The following MAPK7 variants were observed in gnomAD, a reference collection of about 807,000 sequenced individuals.
MAPK7 encodes mitogen-activated protein kinase 7.
A neutral mutation model predicts 56.9 loss-of-function variants in MAPK7; 30 were observed. That is an observed-to-expected ratio of 0.53 (90% CI 0.39 to 0.72). The LOEUF (loss-of-function observed/expected upper bound fraction) is 0.72. MAPK7 is among the 30% of genes least tolerant of loss of function. MAPK7 has a pLI of 0.00. For synonymous variants in MAPK7, 516 were observed against 449.3 expected (o/e 1.15, Z -1.88); for missense variants, 952 against 1,110.8 (o/e 0.86, Z 2.03).
chr17:19,379,725 C>T (rs1428690982), intron 2 of MAPK7, 57 bp from the exon 3 acceptor site: 10 of 1,547,646 alleles, frequency 6.5e-6, no homozygotes, highest in East Asian at 2.2e-5. Flanking sequence ...GGGGCTGAGT[C>T]GACTCTGCAG....
chr17:19,378,254 G>C, upstream of MAPK7: 1 of 985,906 alleles, frequency 1.0e-6, no homozygotes, highest in Non-Finnish European at 1.2e-6. This position sits in a 1 kb window ranked among gnomAD's most constrained non-coding sequence, Gnocchi z 5.4. Context: ...CCGACTGCCA[G>C]TGCGCATGCG....
In MAPK7 at chr17:19,383,165, G is replaced by A. The variant is rs773322111; in HGVS notation, c.2385G>A (p.Leu795=). 5 of 1,614,126 alleles carry A rather than the reference G, an allele frequency of 3.1e-6. No homozygotes were observed. Among genetic ancestry groups the A allele is most frequent in the Middle Eastern group, 1.6e-4 (1 of 6,062 alleles). Residue 795 remains leucine, a synonymous_variant, in exon 7 of 7, where the codon CTG becomes CTA. Transcript: ENST00000395604. ...HGMNPADIES[L]QREIQMDSPM... Reference sequence around the variant, plus strand: ...TGAACCCTGCCGATATTGAGTCCCTGCAGCGTGAGATCCAGATGGACTCCC... The same window carrying A: ...TGAACCCTGCCGATATTGAGTCCCTACAGCGTGAGATCCAGATGGACTCCC...
upstream of MAPK7, chr17:19,377,939 G>C (rs544372270): frequency 2.0e-6 from 2 of 985,282 alleles, no homozygotes; most frequent in Non-Finnish European, 1.2e-6. Context: ...GTCAGTGGAG[G>C]GTTCGGCCGG....
chr17:19,380,250 C>A (rs1912537436), intron 3 of MAPK7: 2 of 503,390 alleles, frequency 4.0e-6, no homozygotes, highest in Non-Finnish European at 6.9e-6. Flanking sequence ...AGAACACTTT[C>A]CTACAGACAG....
chr17:19,382,448 G>A lies in MAPK7; in HGVS notation c.2145G>A (p.Gln715=), dbSNP rs2152294250. ...SESPDVNLVT[Q]QLSKSQVEDP... ...CACCTGATGTCAACCTTGTGACCCA[G>A]CAGCTATCTAAGTCACAGGTGAGAG... The change falls in exon 5 of 7, where the codon CAG becomes CAA. Residue 715 remains glutamine (Q), a synonymous_variant. Transcript: ENST00000395604. The A allele has an allele frequency of 1.9e-6, 3 of 1,600,086 alleles. No individual in the cohort carries two copies. Among genetic ancestry groups the A allele is most frequent in the Non-Finnish European group, 2.6e-6 (3 of 1,172,332 alleles).
chr17:19,380,733 C>T lies in MAPK7; in HGVS notation c.524C>T (p.Ser175Leu), dbSNP rs774334323. 2 of 1,614,152 alleles carry T rather than the reference C, an allele frequency of 1.2e-6. No individual in the cohort carries two copies. The highest frequency in any genetic ancestry group is 1.7e-6 in the Non-Finnish European group (2 of 1,180,036). Residue 175 changes from serine to leucine, a missense_variant, in exon 4 of 7, where the codon TCG becomes TTG. Ser to Leu is a moderately radical substitution (Grantham distance 145). Coordinates refer to ENST00000395604, the MANE Select transcript of MAPK7 (RefSeq NM_002749.4). ...CTGCGGGGCCTGAAGTACATGCACT[C>T]GGCTCAGGTCATCCACCGTGACCTG... ...QLLRGLKYMH[S>L]AQVIHRDLKP...
rs1912434519 is a variant in MAPK7 at position 19,379,401 on chromosome 17, C to T, written c.232+269C>T. ...AGAATGGAGAGCCAGTCCTTCGTGT[C>T]TAAGAGAGAAATGTGTTCTGGAGCC... On this transcript the variant is annotated intron_variant, in intron 2 of 6. Transcript: ENST00000395604. 6 of 572,800 alleles carry T rather than the reference C, an allele frequency of 1.0e-5. No homozygotes were observed. In the Admixed American group the frequency reaches 1.9e-4, roughly 18 times the overall value. 35.5% of individuals were successfully genotyped at this position (572,800 alleles called of 1,614,324 possible). A position where few individuals can be genotyped will look rare whatever the true frequency, so the allele number is the denominator to read the frequency against.
rs963990286 is a variant in MAPK7, at chr17:19,378,603, C to G, written c.-33C>G. On this transcript the variant is annotated 5_prime_UTR_variant, in exon 1 of 7. Coordinates refer to ENST00000395604, the MANE Select transcript of MAPK7 (RefSeq NM_002749.4). The surrounding 1 kb of genome is among the most constrained non-coding windows in gnomAD (Gnocchi z 5.4). ...GACGGGAGGCCGGCGAGCCTCGGGACCTCTGAAAGCCTTGAGGAGGCGCGG... is the reference window on the plus strand; with the variant it reads ...GACGGGAGGCCGGCGAGCCTCGGGAGCTCTGAAAGCCTTGAGGAGGCGCGG... 1.6e-6 allele frequency: 2 copies of G among 1,265,362 alleles called. No individual in the cohort carries two copies. Among genetic ancestry groups the G allele is most frequent in the Non-Finnish European group, 1.0e-6 (1 of 1,001,960 alleles). The allele number at this position is 1,265,362 out of a possible 1,614,324, so 78.4% of individuals were successfully genotyped here. A position where few individuals can be genotyped will look rare whatever the true frequency, so the allele number is the denominator to read the frequency against.
rs960549261 is a variant in MAPK7 at position 19,383,438 on chromosome 17, A to G, written c.*207A>G. 2.1e-5 allele frequency: 10 copies of G among 486,916 alleles called. No individual in the cohort carries two copies. The highest frequency in any genetic ancestry group is 2.0e-4 in the African/African-American group (10 of 51,120). 30.2% of individuals were successfully genotyped at this position (486,916 alleles called of 1,614,324 possible). A position where few individuals can be genotyped will look rare whatever the true frequency, so the allele number is the denominator to read the frequency against. On this transcript the variant is annotated 3_prime_UTR_variant, in exon 7 of 7. Coordinates refer to ENST00000395604, the MANE Select transcript of MAPK7 (RefSeq NM_002749.4). ...ATCGGGAGACCCCAACTCCCCCTGA[A>G]CAATCCTTTTCAGTATTATATTTTT...
chr17:19,380,887 GTA>G lies in MAPK7; in HGVS notation c.679_680del (p.Tyr227ProfsTer11). On this transcript the variant is annotated frameshift_variant, in exon 4 of 7. Coordinates refer to ENST00000395604, the MANE Select transcript of MAPK7 (RefSeq NM_002749.4). LOFTEE classifies it high-confidence loss of function. Reference protein sequence around the residue: ...FMTEYVATRWYRAPELMLSLH... With the variant: ...FMTEYVATRWXRAPELMLSLH... ...TGACTGAGTATGTGGCCACGCGCTG[GTA>G]CCGTGCGCCCGAGCTCATGCTCTCT... is the stretch of plus-strand genomic sequence containing the variant. The G allele has an allele frequency of 2.5e-6, 4 of 1,614,194 alleles. No homozygotes were observed. The highest frequency in any genetic ancestry group is 3.4e-6 in the Non-Finnish European group (4 of 1,180,020).
intron 3 of MAPK7, 111 bp downstream of exon 3, chr17:19,380,058 A>T: frequency 8.0e-7 from 1 of 1,247,924 alleles, no homozygotes; most frequent in African/African-American, 1.5e-5. Context: ...CAGGCTGGGA[A>T]AATTCCCGCA....
chr17:19,381,145 G>A lies in MAPK7; in HGVS notation c.936G>A (p.Val312=). 1 of 1,614,028 alleles carries A rather than the reference G, an allele frequency of 6.2e-7. No individual in the cohort carries two copies. Among genetic ancestry groups the A allele is most frequent in the Non-Finnish European group, 8.5e-7 (1 of 1,180,002 alleles). ...PPRQPVPWET[V]YPGADRQALS... ...GCCAGCCTGTGCCCTGGGAGACAGTGTACCCAGGTGCCGACCGCCAGGCCC... is the reference window on the plus strand; with the variant it reads ...GCCAGCCTGTGCCCTGGGAGACAGTATACCCAGGTGCCGACCGCCAGGCCC... Residue 312 remains valine (V), a synonymous_variant, in exon 4 of 7, where the codon GTG becomes GTA. Transcript: ENST00000395604. This position sits in a 1 kb window ranked among gnomAD's most constrained non-coding sequence, Gnocchi z 4.6.
At chr17:19,378,137 A>T, upstream of MAPK7, 1 of 976,200 alleles carries the variant, frequency 1.0e-6, no homozygotes, top group Non-Finnish European at 1.2e-6. The surrounding 1 kb of genome is among the most constrained non-coding windows in gnomAD (Gnocchi z 5.4). Flanking sequence ...CAGGCCGGGC[A>T]GTTCCCCGAG....
chr17:19,378,838 A>C lies in MAPK7; in HGVS notation c.-5-58A>C. ...TCCCTGGTCCTGCTCCCCAGCCCGC[A>C]GAGGGGACACTGAGGCCCACGGTAG... On this transcript the variant is annotated intron_variant, in intron 1 of 6. Transcript: ENST00000395604. This position sits in a 1 kb window ranked among gnomAD's most constrained non-coding sequence, Gnocchi z 5.4. The C allele has an allele frequency of 7.0e-7, 1 of 1,426,772 alleles. No individual in the cohort carries two copies. Among genetic ancestry groups the C allele is most frequent in the Non-Finnish European group, 9.5e-7 (1 of 1,047,660 alleles). The allele number at this position is 1,426,772 out of a possible 1,614,324, so 88.4% of individuals were successfully genotyped here.
Position 19,382,451 on chromosome 17 carries a change from G to A in MAPK7, c.2148G>A (p.Gln716=). ...ESPDVNLVTQ[Q]LSKSQVEDPL... ...CTGATGTCAACCTTGTGACCCAGCAGCTATCTAAGTCACAGGTGAGAGGGA... is the reference window on the plus strand; with the variant it reads ...CTGATGTCAACCTTGTGACCCAGCAACTATCTAAGTCACAGGTGAGAGGGA... Residue 716 remains glutamine, a synonymous_variant, in exon 5 of 7, where the codon CAG becomes CAA. Transcript: ENST00000395604. 6.3e-7 allele frequency: 1 copy of A among 1,598,448 alleles called. No homozygotes were observed. The highest frequency in any genetic ancestry group is 8.5e-7 in the Non-Finnish European group (1 of 1,171,470).
chr17:19,381,400 A>G lies in MAPK7; in HGVS notation c.1191A>G (p.Gln397=), dbSNP rs2233076. 5.1e-3 allele frequency: 8,179 copies of G among 1,614,106 alleles called. 35 individuals carry two copies. Among genetic ancestry groups the G allele is most frequent in the South Asian group, 6.2e-3 (567 of 91,088 alleles). The change falls in exon 4 of 7, where the codon CAA becomes CAG. Residue 397 remains glutamine (Q), a synonymous_variant. Coordinates refer to ENST00000395604, the MANE Select transcript of MAPK7 (RefSeq NM_002749.4). This position sits in a 1 kb window ranked among gnomAD's most constrained non-coding sequence, Gnocchi z 4.6. ...ATGCAAGGCGTGAGGGCATCCGCCAACAGATCCGCTTCCAGCCTTCTCTAC... is the reference window on the plus strand; with the variant it reads ...ATGCAAGGCGTGAGGGCATCCGCCAGCAGATCCGCTTCCAGCCTTCTCTAC... The part of the protein sequence containing the change: ...DFHARREGIR[Q]QIRFQPSLQP...
chr17:19,378,142 C>T, upstream of MAPK7: 3 of 978,354 alleles, frequency 3.1e-6, no homozygotes, highest in Non-Finnish European at 3.6e-6. This position sits in a 1 kb window ranked among gnomAD's most constrained non-coding sequence, Gnocchi z 5.4. Context: ...CGGGCAGTTC[C>T]CCGAGCTCAC....
chr17:19,380,876 G>A lies in MAPK7; in HGVS notation c.667G>A (p.Ala223Thr). 1.9e-6 allele frequency: 3 copies of A among 1,614,094 alleles called. No homozygotes were observed. The highest frequency in any genetic ancestry group is 3.3e-4 in the Middle Eastern group (2 of 6,062). Residue 223 changes from alanine to threonine, a missense_variant, in exon 4 of 7, where the codon GCC (alanine) becomes ACC (threonine). By Grantham distance (58) the Ala-to-Thr change is moderately conservative. Coordinates refer to ENST00000395604, the MANE Select transcript of MAPK7 (RefSeq NM_002749.4). ...TCAGTACTTCATGACTGAGTATGTGGCCACGCGCTGGTACCGTGCGCCCGA... is the reference window on the plus strand; with the variant it reads ...TCAGTACTTCATGACTGAGTATGTGACCACGCGCTGGTACCGTGCGCCCGA... ...EHQYFMTEYV[A>T]TRWYRAPELM...
Position 19,383,382 on chromosome 17 carries a change from G to C in MAPK7, c.*151G>C. 2 of 701,860 alleles carry C rather than the reference G, an allele frequency of 2.8e-6. No individual in the cohort carries two copies. Among genetic ancestry groups the C allele is most frequent in the Non-Finnish European group, 4.5e-6 (2 of 442,384 alleles). The allele number at this position is 701,860 out of a possible 1,614,324, so 43.5% of individuals were successfully genotyped here. ...CAGACCCACCTTTCAGCCTTAAGCAGCCACCTGAGCCACCACCGAGCCATG... is the reference window on the plus strand; with the variant it reads ...CAGACCCACCTTTCAGCCTTAAGCACCCACCTGAGCCACCACCGAGCCATG... On this transcript the variant is annotated 3_prime_UTR_variant, in exon 7 of 7. Transcript: ENST00000395604.
Sources: allele counts gnomAD v4.1 joint callset, GRCh38; gene constraint gnomAD v4.1.1; non-coding constraint Gnocchi (gnomAD v3.1); transcripts MANE v1.5; gene names NCBI Gene and HGNC (gene_info 2026-07-23, HGNC 2026-07-21).